THOC2: variants seen among roughly 807,000 people sequenced by gnomAD.
The protein encoded by THOC2 is THO complex 2.
THOC2 carries 10 observed loss-of-function variants against 128.4 expected under a neutral mutation model. That is an observed-to-expected ratio of 0.08 (90% CI 0.05 to 0.13). The LOEUF (loss-of-function observed/expected upper bound fraction) is 0.13, where lower values mean the gene tolerates loss of function less well. Among genes scored for constraint, THOC2 ranks in the 10% least tolerant of loss-of-function variants. The probability of loss-of-function intolerance (pLI) is 1.00; values close to 1 mark genes in which losing one functional copy is unlikely to be tolerated. For synonymous variants in THOC2, 393 were observed against 396.9 expected (o/e 0.99, Z 0.12); for missense variants, 535 against 1,155.7 (o/e 0.46, Z 7.79).
chrX:123,708,637 G>A (rs1249169044), intron 2 of THOC2, among the ~76,000 whole-genome samples: 3 of 111,473 alleles, frequency 2.7e-5, no homozygotes, highest in African/African-American at 6.5e-5. Context: ...CACAGAAGGA[G>A]ATTAAAATAG....
chrX:123,706,492 G>A (rs1407579393), intron 3 of THOC2, among the ~76,000 whole-genome samples: 2 of 106,669 alleles, frequency 1.9e-5, no homozygotes, highest in Non-Finnish European at 3.9e-5. Flanking sequence ...TTTACATTAG[G>A]TATATCTCCT....
chrX:123,706,911 T>C lies in THOC2; in HGVS notation c.169A>G (p.Ile57Val). The change falls in exon 3 of 39, where the codon ATT becomes GTT. Residue 57 changes from isoleucine (I) to valine (V), a missense_variant. Coordinates refer to ENST00000245838, the MANE Select transcript of THOC2 (RefSeq NM_001081550.2). ...QALYELSYHV[I>V]KGNLKHEQAS... is the part of the protein sequence containing the mutation. Reference sequence around the variant, plus strand: ...TGTTCATGCTTTAGATTTCCTTTAATTACATGATATGACAACTCATAGAGA... The same window carrying C: ...TGTTCATGCTTTAGATTTCCTTTAACTACATGATATGACAACTCATAGAGA... 3.4e-6 allele frequency: 4 copies of C among 1,167,089 alleles called. No homozygotes were observed. The highest frequency in any genetic ancestry group is 4.6e-6 in the Non-Finnish European group (4 of 869,196).
intron 2 of THOC2, among the ~76,000 whole-genome samples, chrX:123,708,603 G>A (rs2147941414): frequency 9.1e-6 from 1 of 110,345 alleles, no homozygotes; most frequent in African/African-American, 3.3e-5. Flanking sequence ...TACTCATAGG[G>A]GACCAGGGAA....
intron 38 of THOC2, among the ~76,000 whole-genome samples, chrX:123,607,247 A>G (rs2147517924): frequency 9.1e-6 from 1 of 110,469 alleles, no homozygotes; most frequent in Admixed American, 9.6e-5. Flanking sequence ...ACTGGAAGGA[A>G]TTTAATTATG....
At chrX:123,640,250 T>C (rs1273649033) in intron 16 of THOC2, among the ~76,000 whole-genome samples, 3 of 106,645 alleles carry the variant, frequency 2.8e-5, no homozygotes, top group African/African-American at 7.0e-5. Context: ...CAATGAAATG[T>C]TATTTGAATG....
At chrX:123,655,271 C>G (rs767205041) in intron 12 of THOC2, among the ~76,000 whole-genome samples, 4 of 111,625 alleles carry the variant, frequency 3.6e-5, no homozygotes, top group Non-Finnish European at 7.5e-5. Context: ...GGGCTTTAAG[C>G]TACATAACCA....
At chrX:123,707,945 T>C (rs1013842910) in intron 2 of THOC2, among the ~76,000 whole-genome samples, 1 of 102,706 alleles carries the variant, frequency 9.7e-6, no homozygotes, top group Non-Finnish European at 2.0e-5. Context: ...CTGGGCAACA[T>C]AGGGAGACCT....
chrX:123,704,841 G>A (rs1187415659), intron 3 of THOC2, among the ~76,000 whole-genome samples: 1 of 111,752 alleles, frequency 8.9e-6, no homozygotes, highest in Non-Finnish European at 1.9e-5. Flanking sequence ...CTGGGTAACA[G>A]AGCAAGACAC....
At position 123,675,074 on chromosome X, in the gene THOC2, A is replaced by G. The variant is rs767377987; in HGVS notation, c.769-3313T>C. Among the ~76,000 whole-genome samples the G allele has an allele frequency of 5.3e-5, 6 of 112,252 alleles. No homozygotes were observed. The Admixed American group carries it at 5.7e-4, about 11-fold the overall frequency. ...TATAGGAAAAAAAGAGGACTTACAA[A>G]CCACAAATGTAATAGTACTGGCTTT... On this transcript the variant is annotated intron_variant, in intron 8 of 38. Coordinates refer to ENST00000245838, the MANE Select transcript of THOC2 (RefSeq NM_001081550.2).
chrX:123,661,436 A>C (rs2048826757), intron 12 of THOC2, among the ~76,000 whole-genome samples: 1 of 110,288 alleles, frequency 9.1e-6, no homozygotes. Context: ...AAACAAAAAA[A>C]CCCAAAAAAA....
At chrX:123,621,701 AG>A (rs1381467083) in intron 30 of THOC2, 114 bp from the exon 31 acceptor site, 1 of 584,486 alleles carries the variant, frequency 1.7e-6, no homozygotes, top group Non-Finnish European at 2.5e-6. Flanking sequence ...ACTAGAACTA[AG>A]GGGGAGTCCT....
At chrX:123,667,989 G>A (rs991183600) in intron 10 of THOC2, among the ~76,000 whole-genome samples, 170 bp downstream of exon 10, 1 of 111,326 alleles carries the variant, frequency 9.0e-6, no homozygotes, top group Non-Finnish European at 1.9e-5. Flanking sequence ...CTCTTAAAAA[G>A]GAGCCATTCA....
chrX:123,686,824 A>C, intron 7 of THOC2, 110 bp from the exon 8 acceptor site: 1 of 675,093 alleles, frequency 1.5e-6, no homozygotes. Context: ...GTTTTTAAAA[A>C]CAACTTTCTT....
Position 123,631,646 on chromosome X carries a change from T to C in THOC2, c.2481+42A>G, listed in dbSNP as rs780461608. 6.0e-5 allele frequency: 71 copies of C among 1,176,367 alleles called. 1 individual carries two copies. The Middle Eastern group carries it at 6.1e-3, about 101-fold the overall frequency. On this transcript the variant is annotated intron_variant, in intron 22 of 38. Coordinates refer to ENST00000245838, the MANE Select transcript of THOC2 (RefSeq NM_001081550.2). ...TACAGATAAAACCGTTAAGAAATAA[T>C]TTGGATCGTTCTTGAGCGGCAGCAA...
At chrX:123,649,850 G>A (rs904814133) in intron 12 of THOC2, among the ~76,000 whole-genome samples, 8 of 111,579 alleles carry the variant, frequency 7.2e-5, no homozygotes, top group Non-Finnish European at 1.9e-5. Flanking sequence ...TGAAAGTGAC[G>A]AAGAGAATGG....
rs1266856337 is a variant in THOC2, at chrX:123,654,415, A to AAT, written c.1387-9042_1387-9041dup. Among the ~76,000 whole-genome samples the AAT allele has an allele frequency of 7.3e-4, 78 of 106,496 alleles. No individual in the cohort carries two copies. In the South Asian group the frequency reaches 0.013, roughly 18 times the overall value. 92.5% of individuals were successfully genotyped at this position (106,496 alleles called of 115,157 possible). ...AACTTAAAGTATAATAATAATAATA[A>AAT]ATATATATATATATACACACACACT... On this transcript the variant is annotated intron_variant, in intron 12 of 38. Transcript: ENST00000245838.
chrX:123,711,613 G>A lies in THOC2; in HGVS notation c.130+1237C>T, dbSNP rs181166370. On this transcript the variant is annotated intron_variant, in intron 2 of 38. Coordinates refer to ENST00000245838, the MANE Select transcript of THOC2 (RefSeq NM_001081550.2). ...AGCCTGACCAACATGGTGAAACCCC[G>A]TCTCTACTAAAAATACAAAATTAGC... Among the ~76,000 whole-genome samples the A allele has an allele frequency of 7.6e-3, 839 of 110,190 alleles. 6 individuals carry two copies. The highest frequency in any genetic ancestry group is 0.026 in the African/African-American group (774 of 30,343).
intron 1 of THOC2, among the ~76,000 whole-genome samples, chrX:123,713,586 C>T (rs770510408): frequency 3.6e-5 from 4 of 111,016 alleles, no homozygotes; most frequent in South Asian, 3.8e-4. Flanking sequence ...TGGTGGCTTA[C>T]GCCTGTAATC....
chrX:123,676,020 G>T (rs972093667), intron 8 of THOC2, among the ~76,000 whole-genome samples: 3 of 112,475 alleles, frequency 2.7e-5, no homozygotes, highest in African/African-American at 9.7e-5. Flanking sequence ...TAGGGTCTCT[G>T]TTGGCCTTTT....
Sources: gnomAD v4.1 joint callset for allele counts (sites outside exome capture counted in the v4.1 genomes callset) on GRCh38, gnomAD v4.1.1 for gene constraint, MANE v1.5 for transcripts, NCBI Gene and HGNC (gene_info 2026-07-23, HGNC 2026-07-21) for gene names.